The following RALYL variants were observed in gnomAD, a reference collection of about 807,000 sequenced individuals.
RALYL encodes the protein RALY RNA binding protein like.
A neutral mutation model predicts 35.1 loss-of-function variants in RALYL; 29 were observed. The observed-to-expected ratio is 0.83, with a 90% CI of 0.61 to 1.13. RALYL has a LOEUF of 1.13. Among genes scored for constraint, RALYL ranks in the 50% most tolerant of loss-of-function variants. The pLI is 0.00. For synonymous variants in RALYL, 120 were observed against 127.6 expected (o/e 0.94, Z 0.40); for missense variants, 359 against 360.4 (o/e 1.00, Z 0.03).
At chr8:84,251,106 C>T (rs1830110177) in intron 1 of RALYL, among the ~76,000 whole-genome samples, 1 of 152,034 alleles carries the variant, frequency 6.6e-6, no homozygotes, top group Admixed American at 6.6e-5. Context: ...TTATTTTTGA[C>T]TGAGAATGCC....
intron 1 of RALYL, among the ~76,000 whole-genome samples, chr8:84,296,307 G>A (rs1474168677): frequency 1.3e-5 from 2 of 152,002 alleles, no homozygotes; most frequent in East Asian, 3.9e-4. Context: ...TTCAAGATGT[G>A]GAAATTTTCC....
intron 2 of RALYL, among the ~76,000 whole-genome samples, chr8:84,654,887 A>G (rs1168357139): frequency 1.3e-5 from 2 of 152,138 alleles, no homozygotes; most frequent in Non-Finnish European, 2.9e-5. Flanking sequence ...TGCTGCAGTA[A>G]ACAAGAGAAT....
intron 1 of RALYL, among the ~76,000 whole-genome samples, chr8:84,433,707 G>A (rs2047385732): frequency 1.3e-5 from 2 of 152,040 alleles, no homozygotes; most frequent in African/African-American, 4.8e-5. Context: ...GGCCTCCCCA[G>A]CCATGTGGAA....
At chr8:84,764,939 C>A (rs1813550866) in intron 2 of RALYL, among the ~76,000 whole-genome samples, 1 of 152,186 alleles carries the variant, frequency 6.6e-6, no homozygotes, top group Non-Finnish European at 1.5e-5. Context: ...CAAAATGCTA[C>A]AAATGTCCAT....
At chr8:84,708,630 A>G (rs1841621695) in intron 2 of RALYL, among the ~76,000 whole-genome samples, 2 of 152,160 alleles carry the variant, frequency 1.3e-5, no homozygotes, top group South Asian at 4.1e-4. Flanking sequence ...ATTAATGTTT[A>G]ACTTTTGAGT....
chr8:84,799,711 C>CTT (rs1822761615), intron 3 of RALYL, among the ~76,000 whole-genome samples: 2 of 152,212 alleles, frequency 1.3e-5, no homozygotes, highest in Non-Finnish European at 2.9e-5. Context: ...AATCCCAGCA[C>CTT]TTTGGGAGGC....
chr8:84,891,507 A>G (rs2135463519), intron 8 of RALYL, among the ~76,000 whole-genome samples: 1 of 152,294 alleles, frequency 6.6e-6, no homozygotes, highest in Middle Eastern at 3.4e-3. Context: ...TATCTGGACT[A>G]TACTCTAAAC....
chr8:84,271,464 A>T (rs1005076883), intron 1 of RALYL, among the ~76,000 whole-genome samples: 1 of 145,436 alleles, frequency 6.9e-6, no homozygotes, highest in African/African-American at 2.7e-5. Flanking sequence ...TTTAGAAAAT[A>T]GTTGTGTGTG....
At chr8:84,559,852 A>C (rs2061365684) in intron 2 of RALYL, among the ~76,000 whole-genome samples, 1 of 151,878 alleles carries the variant, frequency 6.6e-6, no homozygotes, top group Non-Finnish European at 1.5e-5. Flanking sequence ...AAGAGTAAGA[A>C]ACAGGGGGGA....
intron 1 of RALYL, among the ~76,000 whole-genome samples, chr8:84,411,543 C>G (rs925185908): frequency 6.6e-6 from 1 of 151,698 alleles, no homozygotes; most frequent in Non-Finnish European, 1.5e-5. Context: ...AAGTTCCCTT[C>G]AACAGTTTTC....
At chr8:84,797,442 G>A (rs2133926173) in intron 3 of RALYL, among the ~76,000 whole-genome samples, 1 of 152,318 alleles carries the variant, frequency 6.6e-6, no homozygotes, top group Non-Finnish European at 1.5e-5. Flanking sequence ...GTGTGAGAGA[G>A]CTTGGCAGAG....
chr8:84,309,467 T>A (rs1842363439), intron 1 of RALYL, among the ~76,000 whole-genome samples: 1 of 151,708 alleles, frequency 6.6e-6, no homozygotes, highest in African/African-American at 2.4e-5. Context: ...AAGATAAAAA[T>A]CCTCTCTATA....
intron 8 of RALYL, among the ~76,000 whole-genome samples, chr8:84,913,262 G>T (rs1847895435): frequency 6.6e-6 from 1 of 151,918 alleles, no homozygotes; most frequent in African/African-American, 2.4e-5. Context: ...ATGAACAGAT[G>T]ATGTTAGAAC....
chr8:84,755,747 A>C (rs557194224), intron 2 of RALYL, among the ~76,000 whole-genome samples: 1 of 152,160 alleles, frequency 6.6e-6, no homozygotes, highest in East Asian at 1.9e-4. Context: ...TGGCCACAGT[A>C]GAAATACAAG....
intron 2 of RALYL, among the ~76,000 whole-genome samples, chr8:84,632,525 A>G (rs944716574): frequency 6.6e-6 from 1 of 151,866 alleles, no homozygotes; most frequent in African/African-American, 2.4e-5. Flanking sequence ...GCTTTGTCAT[A>G]TCCTACAAAA....
chr8:84,275,720 A>G (rs1198350053), intron 1 of RALYL, among the ~76,000 whole-genome samples: 1 of 152,072 alleles, frequency 6.6e-6, no homozygotes, highest in African/African-American at 2.4e-5. Flanking sequence ...CCAACATGCT[A>G]CTTTCTACTC....
chr8:84,563,242 A>G (rs1043003775), intron 2 of RALYL, among the ~76,000 whole-genome samples: 17 of 151,870 alleles, frequency 1.1e-4, no homozygotes, highest in African/African-American at 4.1e-4. Context: ...ATTTCTACAT[A>G]AGATTCCATA....
intron 1 of RALYL, among the ~76,000 whole-genome samples, chr8:84,336,239 C>A (rs1338180371): frequency 2.6e-5 from 4 of 152,096 alleles, no homozygotes; most frequent in Non-Finnish European, 5.9e-5. Flanking sequence ...GATTGTTTTT[C>A]ACTTGTGATA....
At chr8:84,765,916 A>G (rs1813830477) in intron 2 of RALYL, among the ~76,000 whole-genome samples, 1 of 152,010 alleles carries the variant, frequency 6.6e-6, no homozygotes, top group South Asian at 2.1e-4. Flanking sequence ...AGACTTATTC[A>G]CATTTAGAAG....
Sources: gnomAD v4.1 joint callset for allele counts (sites outside exome capture counted in the v4.1 genomes callset) on GRCh38, gnomAD v4.1.1 for gene constraint, MANE v1.5 for transcripts, NCBI Gene and HGNC (gene_info 2026-07-23, HGNC 2026-07-21) for gene names.